PDE11A: variants seen among roughly 807,000 people sequenced by gnomAD.
The protein encoded by PDE11A is dual 3',5'-cyclic-AMP and -GMP phosphodiesterase 11A.
In PDE11A, 100 loss-of-function variants were observed where a neutral mutation model predicts 100.5. The observed-to-expected ratio is 1.00, with a 90% CI of 0.85 to 1.18. The LOEUF is 1.18. Ranked by LOEUF, PDE11A falls within the 50% of genes most tolerant of loss-of-function variation. The pLI, the probability that PDE11A is intolerant of heterozygous loss-of-function variation, is 0.00. For missense variants in PDE11A, 1,141 were observed against 1,152.6 expected, an observed-to-expected ratio of 0.99 and a Z score of 0.15; for synonymous variants, 381 against 420.8, an observed-to-expected ratio of 0.91 and a Z score of 1.16.
At chr2:177,693,009 G>C (rs1426399400) in intron 15 of PDE11A, among the ~76,000 whole-genome samples, 2 of 152,256 alleles carry the variant, frequency 1.3e-5, no homozygotes, top group African/African-American at 2.4e-5. Flanking sequence ...TCTCCCTCTA[G>C]GGGAGGAAAG....
intron 14 of PDE11A, 131 bp from the exon 15 acceptor site, chr2:177,697,563 G>C (rs774590688): frequency 3.0e-5 from 19 of 642,476 alleles, no homozygotes; most frequent in Non-Finnish European, 4.8e-5. Flanking sequence ...GTGAAATTTT[G>C]TATAAATATA....
At chr2:178,037,109 T>C (rs536556022) in intron 1 of PDE11A, among the ~76,000 whole-genome samples, 1 of 152,298 alleles carries the variant, frequency 6.6e-6, no homozygotes, top group Admixed American at 6.5e-5. Context: ...GAAAAAATGT[T>C]TGCAATCTAT....
chr2:177,926,003 C>A (rs1179899229), intron 2 of PDE11A, among the ~76,000 whole-genome samples: 1 of 152,172 alleles, frequency 6.6e-6, no homozygotes, highest in Admixed American at 6.5e-5. Context: ...CTCCTTCCTC[C>A]ATTTGAAGAA....
intron 4 of PDE11A, among the ~76,000 whole-genome samples, chr2:177,887,721 T>A (rs1456639420): frequency 6.6e-6 from 1 of 152,158 alleles, no homozygotes; most frequent in Non-Finnish European, 1.5e-5. Context: ...GCCACTGCAC[T>A]CCAGCGTAGG....
In PDE11A at chr2:177,629,564, T is replaced by TAAAAC. The variant is rs745772232; in HGVS notation, c.2647-7_2647-3dup. The TAAAAC allele has an allele frequency of 3.3e-4, 525 of 1,613,368 alleles. No individual in the cohort carries two copies. Among genetic ancestry groups the TAAAAC allele is most frequent in the Middle Eastern group, 5.0e-4 (3 of 6,054 alleles). ...TTTCACGTTGACCTTCACCAGTGCC[T>TAAAAC]AAAACAAAACAAAACAAAACACAGG... On this transcript the variant is annotated splice_polypyrimidine_tract_variant and splice_region_variant and intron_variant, in intron 19 of 19. Coordinates refer to ENST00000286063, the MANE Select transcript of PDE11A (RefSeq NM_016953.4).
rs1162991691 is a variant in PDE11A, at chr2:177,623,597, C to T, written c.*5810G>A. 1 of 152,158 alleles carries T rather than the reference C, an allele frequency of 6.6e-6. No homozygotes were observed. Among genetic ancestry groups the T allele is most frequent in the East Asian group, 1.9e-4 (1 of 5,200 alleles). The allele number at this position is 152,158 out of a possible 1,614,324, so 9.4% of individuals were successfully genotyped here. On this transcript the variant is annotated 3_prime_UTR_variant, in exon 20 of 20. Transcript: ENST00000286063. ...ATTTCCAATGTTATTTTTAAAATTT[C>T]ATCTAAATATGTCTTAATCTAAACT... is the stretch of plus-strand genomic sequence containing the variant.
chr2:178,007,258 T>G (rs2086223289), intron 2 of PDE11A, among the ~76,000 whole-genome samples: 1 of 152,260 alleles, frequency 6.6e-6, no homozygotes, highest in African/African-American at 2.4e-5. Context: ...TTCTCTGAAC[T>G]ATATTGGCCT....
intron 2 of PDE11A, among the ~76,000 whole-genome samples, chr2:177,945,819 A>C (rs1452143164): frequency 1.0e-5 from 1 of 96,492 alleles, no homozygotes; most frequent in Non-Finnish European, 2.4e-5. Flanking sequence ...GCCATCCGGG[A>C]GGGAGGTGGG....
chr2:177,713,702 C>T (rs1197359978), intron 12 of PDE11A, among the ~76,000 whole-genome samples: 8 of 151,480 alleles, frequency 5.3e-5, no homozygotes, highest in African/African-American at 1.5e-4. Flanking sequence ...CCAGTCTGAG[C>T]GACAGAGCAA....
intron 13 of PDE11A, among the ~76,000 whole-genome samples, chr2:177,704,997 C>T (rs566134620): frequency 1.3e-5 from 2 of 152,200 alleles, no homozygotes; most frequent in African/African-American, 2.4e-5. Flanking sequence ...TGCACCACCA[C>T]GCTTAGCTAA....
intron 2 of PDE11A, among the ~76,000 whole-genome samples, chr2:177,909,541 A>C (rs1055498108): frequency 6.6e-6 from 1 of 152,180 alleles, no homozygotes; most frequent in African/African-American, 2.4e-5. Flanking sequence ...AAATTCCTTC[A>C]ATATTTTCAC....
At chr2:177,641,569 C>T (rs904267576) in intron 19 of PDE11A, among the ~76,000 whole-genome samples, 1 of 152,186 alleles carries the variant, frequency 6.6e-6, no homozygotes, top group East Asian at 1.9e-4. Context: ...AACCTCACTC[C>T]TTCCCTCCCC....
chr2:178,105,857 C>CA, intron 1 of PDE11A: 1 of 267,426 alleles, frequency 3.7e-6, no homozygotes, highest in Non-Finnish European at 6.0e-6. Context: ...CGGTTTCTGT[C>CA]CAAAAAAAAA....
At chr2:177,885,024 T>G (rs572813385) in intron 4 of PDE11A, among the ~76,000 whole-genome samples, 43 of 152,206 alleles carry the variant, frequency 2.8e-4, no homozygotes, top group South Asian at 8.3e-4. Flanking sequence ...GTAATGGAGA[T>G]GGACAGTGGG....
chr2:177,681,465 A>G (rs1407099659), intron 15 of PDE11A, among the ~76,000 whole-genome samples: 2 of 137,790 alleles, frequency 1.5e-5, no homozygotes, highest in Non-Finnish European at 3.1e-5. Flanking sequence ...TCGCTTTGGA[A>G]AGTTAATTAA....
intron 6 of PDE11A, among the ~76,000 whole-genome samples, chr2:177,821,331 A>G (rs2083134674): frequency 6.6e-6 from 1 of 151,782 alleles, no homozygotes; most frequent in Non-Finnish European, 1.5e-5. Context: ...CAAAATTGTA[A>G]GTATACAGCT....
At chr2:178,008,459 A>G (rs905032355) in intron 2 of PDE11A, among the ~76,000 whole-genome samples, 4 of 152,178 alleles carry the variant, frequency 2.6e-5, no homozygotes, top group Non-Finnish European at 5.9e-5. Flanking sequence ...CAAGTCATAC[A>G]TGTGTGAGCT....
intron 2 of PDE11A, among the ~76,000 whole-genome samples, chr2:177,960,291 A>G (rs984524176): frequency 6.6e-6 from 1 of 152,146 alleles, no homozygotes; most frequent in Non-Finnish European, 1.5e-5. Context: ...AGAAGACAGA[A>G]GACAATTTGA....
At chr2:177,913,447 C>A (rs2084910990) in intron 2 of PDE11A, among the ~76,000 whole-genome samples, 1 of 152,080 alleles carries the variant, frequency 6.6e-6, no homozygotes, top group Non-Finnish European at 1.5e-5. Flanking sequence ...AACACATTTA[C>A]TTTTTGCTAA....
Sources: allele counts gnomAD v4.1 joint callset (sites outside exome capture counted in the v4.1 genomes callset), GRCh38; gene constraint gnomAD v4.1.1; transcripts MANE v1.5; gene names NCBI Gene and HGNC (gene_info 2026-07-23, HGNC 2026-07-21).